RBFOX1: variants seen among roughly 807,000 people sequenced by gnomAD.
RBFOX1 encodes RNA binding protein fox-1 homolog 1.
RBFOX1 carries 8 observed loss-of-function variants against 57.7 expected under a neutral mutation model. The observed-to-expected ratio is 0.14, with a 90% CI of 0.08 to 0.25. RBFOX1 has a LOEUF of 0.25. RBFOX1 is among the 10% of genes least tolerant of loss of function. The pLI, the probability that RBFOX1 is intolerant of heterozygous loss-of-function variation, is 1.00. For missense variants in RBFOX1, 611 were observed against 548.5 expected, an observed-to-expected ratio of 1.11 and a Z score of -1.14; for synonymous variants, 326 against 222.4, an observed-to-expected ratio of 1.47 and a Z score of -4.15.
At chr16:6,680,112 TAAA>T in intron 3 of RBFOX1, among the ~76,000 whole-genome samples, 1 of 152,020 alleles carries the variant, frequency 6.6e-6, no homozygotes, top group Non-Finnish European at 1.5e-5. Flanking sequence ...TTCTCATCTG[TAAA>T]ATGGGGTCAT....
At chr16:5,710,804 G>A (rs906104409) in intron 3 of RBFOX1, among the ~76,000 whole-genome samples, 1 of 152,194 alleles carries the variant, frequency 6.6e-6, no homozygotes, top group African/African-American at 2.4e-5. Flanking sequence ...GTTGGCAGTG[G>A]TTGCATTTGT....
intron 4 of RBFOX1, among the ~76,000 whole-genome samples, chr16:7,152,281 G>T (rs950985716): frequency 6.6e-6 from 1 of 152,136 alleles, no homozygotes; most frequent in African/African-American, 2.4e-5. Context: ...CCCATGGAAA[G>T]TATTCTATCA....
chr16:5,385,290 A>AT (rs1454658982), intron 1 of RBFOX1, among the ~76,000 whole-genome samples: 1 of 152,198 alleles, frequency 6.6e-6, no homozygotes, highest in Admixed American at 6.5e-5. Context: ...GGCTGCACTG[A>AT]TTACTTTTTC....
chr16:5,455,221 T>C (rs1265520513), intron 1 of RBFOX1, among the ~76,000 whole-genome samples: 8 of 152,006 alleles, frequency 5.3e-5, no homozygotes, highest in Admixed American at 5.3e-4. Flanking sequence ...CTGGGGTTAC[T>C]GACCAGAGTG....
intron 4 of RBFOX1, among the ~76,000 whole-genome samples, chr16:7,169,272 G>C (rs1045856316): frequency 1.7e-4 from 26 of 152,182 alleles, no homozygotes; most frequent in Non-Finnish European, 2.9e-4. Flanking sequence ...GTAATGCTAA[G>C]AATTTTGAGT....
chr16:5,670,266 G>C (rs2049978565), intron 3 of RBFOX1, among the ~76,000 whole-genome samples: 1 of 152,162 alleles, frequency 6.6e-6, no homozygotes. Flanking sequence ...GATGATGGTT[G>C]CTTAATACTG....
chr16:6,622,598 T>C (rs1363955172), intron 2 of RBFOX1, among the ~76,000 whole-genome samples: 1 of 152,142 alleles, frequency 6.6e-6, no homozygotes, highest in Non-Finnish European at 1.5e-5. Context: ...TAAAGCAACA[T>C]TTGTGGTTTA....
At chr16:5,812,544 G>A (rs1472506725) in intron 3 of RBFOX1, among the ~76,000 whole-genome samples, 4 of 148,592 alleles carry the variant, frequency 2.7e-5, no homozygotes, top group African/African-American at 5.0e-5. Flanking sequence ...CTGCAGCCTC[G>A]AACTCCTGGG....
At chr16:6,961,531 G>A (rs62016370) in intron 3 of RBFOX1, among the ~76,000 whole-genome samples, 39,565 of 152,154 alleles carry the variant, frequency 0.26, 5,397 homozygotes, top group East Asian at 0.52. Context: ...TAAAGTCAAA[G>A]CAAGTTTATT....
intron 4 of RBFOX1, among the ~76,000 whole-genome samples, chr16:7,225,932 C>T (rs984646668): frequency 6.6e-5 from 7 of 106,630 alleles, no homozygotes; most frequent in Admixed American, 5.1e-4. Context: ...ATGTGAATGT[C>T]ATGTTTCTGA....
chr16:5,532,935 T>C (rs1030153488), intron 2 of RBFOX1, among the ~76,000 whole-genome samples: 2 of 152,186 alleles, frequency 1.3e-5, no homozygotes, highest in African/African-American at 4.8e-5. Flanking sequence ...TTAGTGATTT[T>C]AGAATGCTTC....
intron 2 of RBFOX1, among the ~76,000 whole-genome samples, chr16:6,416,331 C>A (rs569412493): frequency 3.3e-5 from 5 of 152,138 alleles, no homozygotes; most frequent in Admixed American, 6.6e-5. Context: ...ATAGCTCAAG[C>A]CTCTGATTAT....
chr16:6,064,573 G>A (rs976547051), intron 1 of RBFOX1, among the ~76,000 whole-genome samples: 5 of 151,522 alleles, frequency 3.3e-5, no homozygotes, highest in Admixed American at 6.6e-5. Context: ...ACGGAGTGTC[G>A]CTCTGTCACC....
At chr16:7,086,810 C>G (rs1169124909) in intron 4 of RBFOX1, among the ~76,000 whole-genome samples, 1 of 152,088 alleles carries the variant, frequency 6.6e-6, no homozygotes, top group Non-Finnish European at 1.5e-5. Context: ...GCCACAGATT[C>G]ATGCTAGCAA....
At chr16:5,311,222 A>G (rs942165889) in intron 1 of RBFOX1, among the ~76,000 whole-genome samples, 1 of 152,146 alleles carries the variant, frequency 6.6e-6, no homozygotes. Context: ...GTATGTATGT[A>G]CATACATACA....
rs958612572 is a variant in RBFOX1, at chr16:7,325,501, C to A, written c.28-192646C>A. 2.0e-5 allele frequency among the ~76,000 whole-genome samples: 3 copies of A among 152,318 alleles called. No individual in the cohort carries two copies. The East Asian group carries it at 5.8e-4, about 29-fold the overall frequency. ...AAGAATAACATATGCTTAGTACATA[C>A]TTGTCATTCTCATAAGAACTTCCCA... On this transcript the variant is annotated intron_variant, in intron 4 of 15. Coordinates refer to ENST00000550418, the MANE Select transcript of RBFOX1 (RefSeq NM_018723.4).
intron 2 of RBFOX1, among the ~76,000 whole-genome samples, chr16:5,535,952 A>G (rs911996450): frequency 5.9e-5 from 9 of 152,086 alleles, no homozygotes; most frequent in African/African-American, 2.2e-4. Flanking sequence ...GGTACTCTGA[A>G]GTTTTGATCT....
chr16:5,696,943 C>T (rs1315190709), intron 3 of RBFOX1, among the ~76,000 whole-genome samples: 1 of 152,098 alleles, frequency 6.6e-6, no homozygotes, highest in African/African-American at 2.4e-5. Flanking sequence ...GACCGAGTCT[C>T]ATTCTCTTGC....
intron 4 of RBFOX1, among the ~76,000 whole-genome samples, chr16:5,935,680 C>G (rs928063237): frequency 3.3e-5 from 5 of 152,178 alleles, no homozygotes; most frequent in Non-Finnish European, 7.3e-5. Flanking sequence ...CCTCCAGAGT[C>G]AGCAAGGTCT....
Sources: gnomAD v4.1 joint callset for allele counts (sites outside exome capture counted in the v4.1 genomes callset) on GRCh38, gnomAD v4.1.1 for gene constraint, MANE v1.5 for transcripts, NCBI Gene and HGNC (gene_info 2026-07-23, HGNC 2026-07-21) for gene names.